Variants in SMIM31 observed in about 807,000 individuals in gnomAD.
The protein encoded by SMIM31 is small integral membrane protein 31.
At chr4:164,768,784 C>T (rs1189939012) in intron 1 of SMIM31, among the ~76,000 whole-genome samples, 11 of 152,170 alleles carry the variant, frequency 7.2e-5, no homozygotes, top group African/African-American at 7.2e-5. Context: ...AGAAAACTGA[C>T]GGTAAAAATA....
chr4:164,755,791 T>C (rs1017784314), intron 1 of SMIM31, among the ~76,000 whole-genome samples: 2 of 152,004 alleles, frequency 1.3e-5, no homozygotes, highest in Non-Finnish European at 2.9e-5. Context: ...TCATCAACAA[T>C]TTAAAAAATT....
At chr4:164,767,372 A>C (rs1209644086) in intron 1 of SMIM31, among the ~76,000 whole-genome samples, 1 of 152,234 alleles carries the variant, frequency 6.6e-6, no homozygotes, top group Non-Finnish European at 1.5e-5. Flanking sequence ...ATGTGATAGA[A>C]TATATGATAA....
chr4:164,802,452 GTCTCC>G lies in SMIM31; in HGVS notation c.*1259_*1263del, dbSNP rs1483200742. The G allele has an allele frequency of 6.6e-6, 1 of 152,238 alleles. No individual in the cohort carries two copies. The highest frequency in any genetic ancestry group is 2.4e-5 in the African/African-American group (1 of 41,440). The allele number at this position is 152,238 out of a possible 1,614,324, so 9.4% of individuals were successfully genotyped here. On this transcript the variant is annotated 3_prime_UTR_variant, in exon 3 of 3. Coordinates refer to ENST00000507311, the MANE Select transcript of SMIM31 (RefSeq NM_001352885.1). ...AGGCCTCTCTATGTTGCCTAGGCTGGTCTCCAAATCCTGGACTCAAGCGATCCTCT... is the reference window on the plus strand; with the variant it reads ...AGGCCTCTCTATGTTGCCTAGGCTGGAAATCCTGGACTCAAGCGATCCTCT...
At chr4:164,784,998 C>A (rs111699607) in intron 2 of SMIM31, among the ~76,000 whole-genome samples, 21,981 of 150,848 alleles carry the variant, frequency 0.15, 2,268 homozygotes, top group African/African-American at 0.3. Flanking sequence ...CCGAGGCGGG[C>A]GGATTGCCTG....
At chr4:164,755,368 T>C (rs1732544246) in intron 1 of SMIM31, among the ~76,000 whole-genome samples, 1 of 150,334 alleles carries the variant, frequency 6.7e-6, no homozygotes, top group African/African-American at 2.5e-5. Flanking sequence ...TAATCCCAGC[T>C]ACTCGGGAGG....
chr4:164,771,794 GAA>G (rs1234726860), intron 2 of SMIM31, among the ~76,000 whole-genome samples: 1 of 152,098 alleles, frequency 6.6e-6, no homozygotes, highest in Admixed American at 6.5e-5. Flanking sequence ...GAGTGACAGA[GAA>G]AGACTCTGTC....
intron 1 of SMIM31, among the ~76,000 whole-genome samples, chr4:164,760,322 G>A (rs571832434): frequency 2.4e-4 from 37 of 152,242 alleles, no homozygotes; most frequent in Non-Finnish European, 4.4e-4. Flanking sequence ...GAAAAGCAAA[G>A]GGAGACATTG....
rs527549795 is a variant in SMIM31 at position 164,784,120 on chromosome 4, T to C, written c.112+13565T>C. Among the ~76,000 whole-genome samples the C allele has an allele frequency of 7.9e-5, 12 of 152,298 alleles. No homozygotes were observed. The South Asian group carries it at 8.3e-4, about 11-fold the overall frequency. ...AAAGTACAACTAACGATGAAGAAAG[T>C]TGGGGGCGAGGGCCCAGCTGGGAGT... On this transcript the variant is annotated intron_variant, in intron 2 of 2. Coordinates refer to ENST00000507311, the MANE Select transcript of SMIM31 (RefSeq NM_001352885.1).
chr4:164,760,646 G>A (rs1450563942), intron 1 of SMIM31, among the ~76,000 whole-genome samples: 1 of 150,988 alleles, frequency 6.6e-6, no homozygotes, highest in Non-Finnish European at 1.5e-5. Context: ...AGGCTGAGGT[G>A]GGAGGATCAC....
At chr4:164,757,636 T>C (rs1041602903) in intron 1 of SMIM31, among the ~76,000 whole-genome samples, 1 of 152,040 alleles carries the variant, frequency 6.6e-6, no homozygotes, top group Non-Finnish European at 1.5e-5. Context: ...TTTTTTCCTA[T>C]AAATGTCTCA....
chr4:164,759,398 T>G (rs1732615333), intron 1 of SMIM31, among the ~76,000 whole-genome samples: 6 of 152,322 alleles, frequency 3.9e-5, no homozygotes, highest in Admixed American at 3.3e-4. Flanking sequence ...TCCTACAATG[T>G]ATCAGTTACT....
rs1414764221 is a variant in SMIM31 at position 164,802,701 on chromosome 4, C to T, written c.*1507C>T. The T allele has an allele frequency of 1.3e-5, 2 of 152,242 alleles. No individual in the cohort carries two copies. Among genetic ancestry groups the T allele is most frequent in the African/African-American group, 4.8e-5 (2 of 41,448 alleles). 9.4% of individuals were successfully genotyped at this position (152,242 alleles called of 1,614,324 possible). On this transcript the variant is annotated 3_prime_UTR_variant, in exon 3 of 3. Transcript: ENST00000507311. ...GAGTTTCAGTCATGTGAGAGACTCCCTTTATCTGTACTTACCCCTTACTGC... is the reference window on the plus strand; with the variant it reads ...GAGTTTCAGTCATGTGAGAGACTCCTTTTATCTGTACTTACCCCTTACTGC...
intron 2 of SMIM31, among the ~76,000 whole-genome samples, chr4:164,798,028 C>T (rs1733227700): frequency 6.6e-6 from 1 of 152,058 alleles, no homozygotes; most frequent in South Asian, 2.1e-4. Context: ...GGATAATGGC[C>T]TCCAGTTCCA....
chr4:164,783,162 G>A (rs533933245), intron 2 of SMIM31, among the ~76,000 whole-genome samples: 1 of 146,402 alleles, frequency 6.8e-6, no homozygotes, highest in South Asian at 2.2e-4. Flanking sequence ...AGGTTGTGGT[G>A]AGCCGAGATC....
At chr4:164,776,139 A>G (rs1732877538) in intron 2 of SMIM31, among the ~76,000 whole-genome samples, 1 of 152,122 alleles carries the variant, frequency 6.6e-6, no homozygotes, top group African/African-American at 2.4e-5. Context: ...CTCTACTTGA[A>G]TCTTACTTAT....
chr4:164,769,653 A>T (rs1232559146), intron 1 of SMIM31, among the ~76,000 whole-genome samples: 1 of 150,980 alleles, frequency 6.6e-6, no homozygotes, highest in East Asian at 2.0e-4. Flanking sequence ...TTAAATTATG[A>T]GTTAATGGGT....
chr4:164,796,358 T>C (rs1733195051), intron 2 of SMIM31, among the ~76,000 whole-genome samples: 1 of 152,188 alleles, frequency 6.6e-6, no homozygotes, highest in Admixed American at 6.5e-5. Context: ...TGGTTCCCCC[T>C]CTACCTCCCC....
intron 1 of SMIM31, among the ~76,000 whole-genome samples, chr4:164,766,783 T>A (rs1732725918): frequency 7.0e-6 from 1 of 143,864 alleles, no homozygotes. Flanking sequence ...GGTGACAGAG[T>A]GAGACTCCAT....
intron 2 of SMIM31, among the ~76,000 whole-genome samples, chr4:164,773,818 A>G (rs1434956880): frequency 6.6e-6 from 1 of 152,152 alleles, no homozygotes. Flanking sequence ...GGTGACTGTT[A>G]GTGGAGTCTT....
Sources: gnomAD v4.1 joint callset for allele counts (sites outside exome capture counted in the v4.1 genomes callset) on GRCh38, gnomAD v4.1.1 for gene constraint, MANE v1.5 for transcripts, NCBI Gene and HGNC (gene_info 2026-07-23, HGNC 2026-07-21) for gene names.